Variants in PPP1R14C observed in about 807,000 individuals in gnomAD.
The protein encoded by PPP1R14C is protein phosphatase 1 regulatory subunit 14C.
In PPP1R14C, 16 loss-of-function variants were observed where a neutral mutation model predicts 20.4. The observed-to-expected ratio is 0.78, with a 90% CI of 0.53 to 1.19. The LOEUF (loss-of-function observed/expected upper bound fraction) is 1.19. Ranked by LOEUF, PPP1R14C falls within the 50% of genes most tolerant of loss-of-function variation. The pLI, the probability that PPP1R14C is intolerant of heterozygous loss-of-function variation, is 0.00. For synonymous variants in PPP1R14C, 91 were observed against 91.0 expected (o/e 1.00, Z 0.00); for missense variants, 211 against 220.1 (o/e 0.96, Z 0.26).
rs1777876298 is a variant in PPP1R14C, at chr6:150,201,447, G to T, written c.307-13297G>T. On this transcript the variant is annotated intron_variant, in intron 1 of 3. Transcript: ENST00000361131. The surrounding 1 kb of genome is among the most constrained non-coding windows in gnomAD (Gnocchi z 4.2). ...ACACATGCACCCAGCACGTGCAAAG[G>T]CCCTGTGGAGGCCTGGCTGGGGAGT... Among the ~76,000 whole-genome samples the T allele has an allele frequency of 6.6e-6, 1 of 152,198 alleles. No homozygotes were observed. The highest frequency in any genetic ancestry group is 1.5e-5 in the Non-Finnish European group (1 of 68,036).
chr6:150,206,767 T>C (rs950152087), intron 1 of PPP1R14C, among the ~76,000 whole-genome samples: 13 of 152,168 alleles, frequency 8.5e-5, no homozygotes, highest in African/African-American at 3.1e-4. Context: ...AGAAAGGCGA[T>C]TCCTGTAAAT....
chr6:150,204,326 G>A (rs766283436), intron 1 of PPP1R14C, among the ~76,000 whole-genome samples: 78 of 152,248 alleles, frequency 5.1e-4, no homozygotes, highest in Non-Finnish European at 9.8e-4. Context: ...CATAAGCAGA[G>A]CAAAGTGTGA....
chr6:150,164,905 G>C (rs1429248699), intron 1 of PPP1R14C, among the ~76,000 whole-genome samples: 1 of 152,116 alleles, frequency 6.6e-6, no homozygotes, highest in Non-Finnish European at 1.5e-5. Context: ...TGGGATTAGT[G>C]CCCTTATAAA....
In PPP1R14C at chr6:150,185,775, G is replaced by A. The variant is rs73782241; in HGVS notation, c.307-28969G>A. 0.02 allele frequency among the ~76,000 whole-genome samples: 3,071 copies of A among 152,170 alleles called. 116 individuals carry two copies. The highest frequency in any genetic ancestry group is 0.069 in the African/African-American group (2,865 of 41,504). ...AACCGAGCAAGTCATATTCTCACTC[G>A]TGCTGTGTAGCTTATATTGGCTGAT... On this transcript the variant is annotated intron_variant, in intron 1 of 3. Transcript: ENST00000361131. This position sits in a 1 kb window ranked among gnomAD's most constrained non-coding sequence, Gnocchi z 4.1.
At chr6:150,231,138 G>A (rs1234261904) in intron 3 of PPP1R14C, among the ~76,000 whole-genome samples, 1 of 152,216 alleles carries the variant, frequency 6.6e-6, no homozygotes, top group Non-Finnish European at 1.5e-5. Context: ...GAGCCATGTG[G>A]TAGAAACTCC....
At position 150,248,858 on chromosome 6, in the gene PPP1R14C, A is replaced by G. The variant is rs759603372; in HGVS notation, c.*38A>G. On this transcript the variant is annotated 3_prime_UTR_variant, in exon 4 of 4. Coordinates refer to ENST00000361131, the MANE Select transcript of PPP1R14C (RefSeq NM_030949.3). ...GTGAAACTCTCCCAGAGACGAAGAAAGAGTCCTGGGATTTGTACTTCATGA... is the reference window on the plus strand; with the variant it reads ...GTGAAACTCTCCCAGAGACGAAGAAGGAGTCCTGGGATTTGTACTTCATGA... The G allele has an allele frequency of 1.4e-6, 2 of 1,388,490 alleles. No homozygotes were observed. Among genetic ancestry groups the G allele is most frequent in the Non-Finnish European group, 1.0e-6 (1 of 978,958 alleles). 86.0% of individuals were successfully genotyped at this position (1,388,490 alleles called of 1,614,324 possible).
At chr6:150,165,856 C>T (rs1777416335) in intron 1 of PPP1R14C, among the ~76,000 whole-genome samples, 1 of 152,160 alleles carries the variant, frequency 6.6e-6, no homozygotes, top group Admixed American at 6.5e-5. Context: ...ATGTGAAGTG[C>T]AGTATTTCAC....
chr6:150,175,008 C>G (rs1212050252), intron 1 of PPP1R14C, among the ~76,000 whole-genome samples: 1 of 150,478 alleles, frequency 6.6e-6, no homozygotes, highest in Admixed American at 6.6e-5. Context: ...TTCTTTTTTG[C>G]TCTCATATTT....
Position 150,192,428 on chromosome 6 carries a change from A to G in PPP1R14C, c.307-22316A>G, listed in dbSNP as rs926574456. Among the ~76,000 whole-genome samples the G allele has an allele frequency of 5.9e-5, 9 of 152,130 alleles. No homozygotes were observed. The East Asian group carries it at 1.5e-3, about 26-fold the overall frequency. On this transcript the variant is annotated intron_variant, in intron 1 of 3. Coordinates refer to ENST00000361131, the MANE Select transcript of PPP1R14C (RefSeq NM_030949.3). ...CAGATCCCTTTCGTGCGTGGTTCAC[A>G]ATAGGGTTTGCACTCCTATGAGAAT...
chr6:150,148,927 G>A (rs1777210287), intron 1 of PPP1R14C, among the ~76,000 whole-genome samples: 1 of 152,096 alleles, frequency 6.6e-6, no homozygotes, highest in Non-Finnish European at 1.5e-5. Context: ...AGCCAAAGAT[G>A]GTGGCATGCG....
At chr6:150,193,618 G>A (rs1346117756) in intron 1 of PPP1R14C, among the ~76,000 whole-genome samples, 1 of 151,976 alleles carries the variant, frequency 6.6e-6, no homozygotes, top group African/African-American at 2.4e-5. Context: ...TGGGAGAAGG[G>A]GAGGAGGGAG....
intron 1 of PPP1R14C, chr6:150,194,512 T>TATAAATC (rs1181159760): frequency 1.0e-6 from 1 of 978,446 alleles, no homozygotes; most frequent in African/African-American, 1.8e-5. Flanking sequence ...GTATGCCAAT[T>TATAAATC]ATAAATCATG....
intron 1 of PPP1R14C, among the ~76,000 whole-genome samples, chr6:150,196,858 A>G (rs1777810599): frequency 6.6e-6 from 1 of 152,204 alleles, no homozygotes; most frequent in South Asian, 2.1e-4. Flanking sequence ...TGGAGTTTTT[A>G]AAATTAATTG....
chr6:150,232,853 T>C (rs9479997), intron 3 of PPP1R14C, among the ~76,000 whole-genome samples: 6,060 of 152,316 alleles, frequency 0.04, 393 homozygotes, highest in African/African-American at 0.14. Flanking sequence ...TAACTATTCT[T>C]GAATATTTGT....
At chr6:150,199,860 G>C (rs367975938) in intron 1 of PPP1R14C, among the ~76,000 whole-genome samples, 2,149 of 96,238 alleles carry the variant, frequency 0.022, 50 homozygotes, top group African/African-American at 0.085. Flanking sequence ...CAGAGCGAGA[G>C]CCTGTCTCTA....
intron 1 of PPP1R14C, among the ~76,000 whole-genome samples, chr6:150,189,366 C>T (rs976107765): frequency 6.6e-6 from 1 of 152,158 alleles, no homozygotes; most frequent in African/African-American, 2.4e-5. Context: ...TCTGTTGACA[C>T]AGCGCCACCC....
At chr6:150,215,283 G>A (rs1044956794) in intron 2 of PPP1R14C, among the ~76,000 whole-genome samples, 12 of 152,124 alleles carry the variant, frequency 7.9e-5, no homozygotes, top group African/African-American at 1.9e-4. Context: ...TTTAGTAGAC[G>A]ATCTGTTCAT....
At chr6:150,160,413 G>C (rs4870324) in intron 1 of PPP1R14C, among the ~76,000 whole-genome samples, 126,827 of 150,406 alleles carry the variant, frequency 0.84, 53,657 homozygotes, top group East Asian at 0.91. Flanking sequence ...TGCAGGTGCC[G>C]ACCACCACAC....
rs932350849 is a variant in PPP1R14C at position 150,154,788 on chromosome 6, C to CT, written c.306+11300dup. 2.0e-3 allele frequency among the ~76,000 whole-genome samples: 303 copies of CT among 150,512 alleles called. 1 individual carries two copies. The highest frequency in any genetic ancestry group is 6.9e-3 in the African/African-American group (284 of 41,030). On this transcript the variant is annotated intron_variant, in intron 1 of 3. Transcript: ENST00000361131. Reference sequence around the variant, plus strand: ...TAGAACGTAAGGATTAGATTAATAACTTTTTTTTTTAAATCATCTTTTCCT... The same window carrying CT: ...TAGAACGTAAGGATTAGATTAATAACTTTTTTTTTTTAAATCATCTTTTCCT...
Sources: allele counts gnomAD v4.1 joint callset (sites outside exome capture counted in the v4.1 genomes callset), GRCh38; gene constraint gnomAD v4.1.1; non-coding constraint Gnocchi (gnomAD v3.1); transcripts MANE v1.5; gene names NCBI Gene and HGNC (gene_info 2026-07-23, HGNC 2026-07-21).